XXYLT1: variants seen among roughly 807,000 people sequenced by gnomAD.
XXYLT1 encodes xyloside xylosyltransferase 1.
A neutral mutation model predicts 28.9 loss-of-function variants in XXYLT1; 20 were observed. The observed-to-expected ratio is 0.69, with a 90% CI of 0.49 to 1.00. The LOEUF is 1.00. Among genes scored for constraint, XXYLT1 ranks in the 50% least tolerant of loss-of-function variants. The pLI is 0.00. For synonymous variants in XXYLT1, 257 were observed against 253.8 expected, an observed-to-expected ratio of 1.01 and a Z score of -0.12; for missense variants, 542 against 560.1, an observed-to-expected ratio of 0.97 and a Z score of 0.33.
intron 2 of XXYLT1, among the ~76,000 whole-genome samples, chr3:195,181,483 G>A (rs1721953266): frequency 6.6e-6 from 1 of 152,240 alleles, no homozygotes; most frequent in African/African-American, 2.4e-5. Context: ...GACTGAGGAA[G>A]TGGATGATAA....
In XXYLT1 at chr3:195,174,757, G is replaced by A. The variant is rs376898147; in HGVS notation, c.653-18176C>T. ...TCCTCCCCTTGGCTGCCTCCTCCTCGTCCCCTTTCCCTTCCTCTTCTCCTT... is the reference window on the plus strand; with the variant it reads ...TCCTCCCCTTGGCTGCCTCCTCCTCATCCCCTTTCCCTTCCTCTTCTCCTT... On this transcript the variant is annotated intron_variant, in intron 2 of 3. Transcript: ENST00000310380. Among the ~76,000 whole-genome samples, 46 of 134,240 alleles carry A rather than the reference G, an allele frequency of 3.4e-4. 1 individual carries two copies. Among genetic ancestry groups the A allele is most frequent in the South Asian group, 2.4e-3 (10 of 4,138 alleles). 88.1% of individuals were successfully genotyped at this position (134,240 alleles called of 152,430 possible).
At chr3:195,248,181 C>T (rs1725110944) in intron 1 of XXYLT1, among the ~76,000 whole-genome samples, 1 of 152,210 alleles carries the variant, frequency 6.6e-6, no homozygotes, top group African/African-American at 2.4e-5. Context: ...TAGATACTTA[C>T]AGGCTTATAC....
At chr3:195,175,747 T>C (rs1024677313) in intron 2 of XXYLT1, 5 of 1,532,908 alleles carry the variant, frequency 3.3e-6, no homozygotes, top group Admixed American at 3.9e-5. Context: ...GAGAAGCCAC[T>C]GCAGGGCCTC....
rs368446725 is a variant in XXYLT1 at position 195,221,199 on chromosome 3, A to G, written c.652+5510T>C. On this transcript the variant is annotated intron_variant, in intron 2 of 3. Coordinates refer to ENST00000310380, the MANE Select transcript of XXYLT1 (RefSeq NM_152531.5). ...TTTCTCAAAACTGTCAAGGTCATCA[A>G]AAACAAGGCAAGTTGGAGAAAATTT... Among the ~76,000 whole-genome samples, 18 of 152,352 alleles carry G rather than the reference A, an allele frequency of 1.2e-4. 1 individual carries two copies. The highest frequency in any genetic ancestry group is 4.3e-4 in the African/African-American group (18 of 41,582).
At chr3:195,251,567 T>C (rs1402442789) in intron 1 of XXYLT1, among the ~76,000 whole-genome samples, 1 of 152,126 alleles carries the variant, frequency 6.6e-6, no homozygotes, top group Admixed American at 6.5e-5. Context: ...CCCTCCTCTC[T>C]ACCCTCCACA....
chr3:195,151,646 G>A (rs1037306293), intron 3 of XXYLT1, among the ~76,000 whole-genome samples: 2 of 151,590 alleles, frequency 1.3e-5, no homozygotes, highest in East Asian at 1.9e-4. Flanking sequence ...ATAAATAAAC[G>A]ATTATTTATA....
intron 2 of XXYLT1, among the ~76,000 whole-genome samples, chr3:195,211,374 CAG>C (rs1723304997): frequency 6.6e-6 from 1 of 152,180 alleles, no homozygotes; most frequent in Non-Finnish European, 1.5e-5. Flanking sequence ...GGCTGGGTGA[CAG>C]AGCAAGACTC....
intron 1 of XXYLT1, chr3:195,247,754 G>C: frequency 1.4e-6 from 1 of 701,314 alleles, no homozygotes; most frequent in Non-Finnish European, 2.6e-6. Context: ...ATAAGGAAAA[G>C]AGGTTTGATG....
At chr3:195,104,508 C>T (rs1716982382) in intron 3 of XXYLT1, among the ~76,000 whole-genome samples, 1 of 152,228 alleles carries the variant, frequency 6.6e-6, no homozygotes. Flanking sequence ...TGAGATTCAG[C>T]TGCTCACACG....
chr3:195,196,955 T>A (rs1722650203), intron 2 of XXYLT1, among the ~76,000 whole-genome samples: 1 of 152,128 alleles, frequency 6.6e-6, no homozygotes, highest in Non-Finnish European at 1.5e-5. Context: ...GTATATCCTT[T>A]TTAAAACCCG....
chr3:195,170,149 C>A (rs1255773678), intron 2 of XXYLT1, among the ~76,000 whole-genome samples: 3 of 151,876 alleles, frequency 2.0e-5, no homozygotes, highest in African/African-American at 7.3e-5. Flanking sequence ...CACGCCTGGC[C>A]GTTAATGTAT....
intron 2 of XXYLT1, among the ~76,000 whole-genome samples, chr3:195,211,193 A>G (rs933305662): frequency 2.6e-5 from 4 of 152,218 alleles, no homozygotes; most frequent in Admixed American, 6.5e-5. Flanking sequence ...GAGGAGTTCG[A>G]GACCAGCCTG....
intron 1 of XXYLT1, chr3:195,259,459 C>T (rs1411955164): frequency 1.9e-6 from 1 of 522,756 alleles, no homozygotes; most frequent in Admixed American, 6.4e-5. Context: ...AGATAAGAGC[C>T]CTGGATGGGA....
chr3:195,202,404 CAAAA>C (rs552172950), intron 2 of XXYLT1, among the ~76,000 whole-genome samples: 1 of 56,098 alleles, frequency 1.8e-5, no homozygotes, highest in African/African-American at 5.3e-5. Flanking sequence ...GGTCCCTGGC[CAAAA>C]AAAAAAAAAA....
chr3:195,230,443 G>A (rs1232326994), intron 1 of XXYLT1, among the ~76,000 whole-genome samples: 2 of 152,122 alleles, frequency 1.3e-5, no homozygotes, highest in Admixed American at 6.6e-5. Flanking sequence ...GGTGTATCAC[G>A]CAAGAAATCT....
chr3:195,111,555 T>C (rs28744613), intron 3 of XXYLT1, among the ~76,000 whole-genome samples: 100,260 of 151,872 alleles, frequency 0.66, 33,716 homozygotes, highest in Middle Eastern at 0.72. Context: ...CTGATGGTGC[T>C]CAGTGTCTCT....
chr3:195,238,108 G>A (rs1414557006), intron 1 of XXYLT1, among the ~76,000 whole-genome samples: 1 of 152,136 alleles, frequency 6.6e-6, no homozygotes, highest in East Asian at 1.9e-4. Context: ...CTCTAGCAAG[G>A]CCTCTAAGCC....
At chr3:195,113,009 G>C (rs769601675) in intron 3 of XXYLT1, among the ~76,000 whole-genome samples, 2 of 152,256 alleles carry the variant, frequency 1.3e-5, no homozygotes, top group Non-Finnish European at 2.9e-5. Context: ...CACTCGCCGT[G>C]CCATCCCAGG....
At chr3:195,116,348 G>C (rs1718041957) in intron 3 of XXYLT1, among the ~76,000 whole-genome samples, 1 of 152,102 alleles carries the variant, frequency 6.6e-6, no homozygotes, top group African/African-American at 2.4e-5. Flanking sequence ...ATGTTTCTGT[G>C]AATTATCTGG....
Sources: allele counts gnomAD v4.1 joint callset (sites outside exome capture counted in the v4.1 genomes callset), GRCh38; gene constraint gnomAD v4.1.1; transcripts MANE v1.5; gene names NCBI Gene and HGNC (gene_info 2026-07-23, HGNC 2026-07-21).